The following AIF1L variants were observed in gnomAD, a reference collection of about 807,000 sequenced individuals.
AIF1L encodes the protein allograft inflammatory factor 1 like, also known as allograft inflammatory factor 1-like.
Under a neutral mutation model 20.7 loss-of-function variants are expected in AIF1L, and 12 were observed. The ratio of observed to expected loss-of-function variants is 0.58; its 90% CI spans 0.37 to 0.94. The LOEUF is 0.94. AIF1L is among the 40% of genes least tolerant of loss of function. The pLI, the probability that AIF1L is intolerant of heterozygous loss-of-function variation, is 0.01. For synonymous variants in AIF1L, 76 were observed against 65.1 expected, an observed-to-expected ratio of 1.17 and a Z score of -0.81; for missense variants, 173 against 185.3, an observed-to-expected ratio of 0.93 and a Z score of 0.39.
At chr9:131,119,986 G>A (rs1418415285) in intron 5 of AIF1L, among the ~76,000 whole-genome samples, 1 of 152,156 alleles carries the variant, frequency 6.6e-6, no homozygotes, top group Non-Finnish European at 1.5e-5. Context: ...CTCTGCCCTG[G>A]ACCGCCTGTG....
At chr9:131,106,444 G>T (rs932572095) in intron 2 of AIF1L, among the ~76,000 whole-genome samples, 3 of 152,198 alleles carry the variant, frequency 2.0e-5, no homozygotes, top group Non-Finnish European at 2.9e-5. Flanking sequence ...GGATAAGGGC[G>T]ATTGGAAGTC....
chr9:131,115,579 G>C (rs1011605755), intron 4 of AIF1L, among the ~76,000 whole-genome samples: 3 of 151,418 alleles, frequency 2.0e-5, no homozygotes, highest in Non-Finnish European at 4.4e-5. Flanking sequence ...TTCATCCTGC[G>C]TCTCAGATTG....
At chr9:131,109,416 G>A (rs145612103) in intron 2 of AIF1L, among the ~76,000 whole-genome samples, 140 of 152,142 alleles carry the variant, frequency 9.2e-4, no homozygotes, top group African/African-American at 2.9e-3. Flanking sequence ...AAAATTAGCC[G>A]AGCATGGTGG....
chr9:131,115,477 A>T (rs1830990695), intron 4 of AIF1L, among the ~76,000 whole-genome samples: 1 of 137,772 alleles, frequency 7.3e-6, no homozygotes, highest in African/African-American at 2.6e-5. Context: ...AAAAAAAAGC[A>T]AAAAGAAAGG....
At chr9:131,113,146 T>G (rs1454197928) in intron 3 of AIF1L, among the ~76,000 whole-genome samples, 1 of 150,844 alleles carries the variant, frequency 6.6e-6, no homozygotes, top group African/African-American at 2.4e-5. Context: ...GGTGCTTCAG[T>G]GAGAAATGAG....
chr9:131,117,037 G>A (rs1234298112), intron 4 of AIF1L, among the ~76,000 whole-genome samples: 1 of 152,228 alleles, frequency 6.6e-6, no homozygotes, highest in Non-Finnish European at 1.5e-5. Flanking sequence ...ACAATCCAAA[G>A]GAAATTGCCT....
intron 3 of AIF1L, 129 bp from the exon 4 acceptor site, chr9:131,114,448 C>A: frequency 9.7e-7 from 1 of 1,032,148 alleles, no homozygotes; most frequent in South Asian, 1.3e-5. Context: ...AGGTCAAGAC[C>A]CTTGGTAGGG....
At chr9:131,106,474 G>A (rs1830751641) in intron 2 of AIF1L, among the ~76,000 whole-genome samples, 1 of 152,178 alleles carries the variant, frequency 6.6e-6, no homozygotes, top group African/African-American at 2.4e-5. Flanking sequence ...GAAGTGGGCA[G>A]GCAGCAGTAT....
chr9:131,096,902 C>A, intron 2 of AIF1L, 39 bp downstream of exon 2: 6 of 1,498,104 alleles, frequency 4.0e-6, no homozygotes, highest in Non-Finnish European at 5.3e-6. Flanking sequence ...AGTCCCGAGC[C>A]GCGCGCTGCG....
intron 2 of AIF1L, chr9:131,103,129 G>C: frequency 2.6e-6 from 1 of 383,406 alleles, no homozygotes; most frequent in Non-Finnish European, 5.2e-6. Flanking sequence ...GGCCTCGCTG[G>C]AGGCTGGGAT....
intron 2 of AIF1L, 79 bp from the exon 3 acceptor site, chr9:131,111,518 G>A: frequency 7.5e-7 from 1 of 1,332,390 alleles, no homozygotes; most frequent in Admixed American, 1.8e-5. Context: ...TAGGAGGGAA[G>A]GCCCCCGGAC....
chr9:131,098,474 G>A (rs977759580), intron 2 of AIF1L, among the ~76,000 whole-genome samples: 9 of 152,140 alleles, frequency 5.9e-5, no homozygotes, highest in Admixed American at 1.3e-4. Context: ...AGCCCCCTGG[G>A]TCACTTGGCC....
At chr9:131,111,913 T>A in intron 3 of AIF1L, 1 of 526,806 alleles carries the variant, frequency 1.9e-6, no homozygotes, top group Non-Finnish European at 3.4e-6. Context: ...CCTGCCCCTC[T>A]CTCTCCCCTC....
chr9:131,110,434 A>C (rs895392067), intron 2 of AIF1L, among the ~76,000 whole-genome samples: 10 of 152,084 alleles, frequency 6.6e-5, no homozygotes, highest in African/African-American at 2.4e-4. Context: ...TGAGAGGGTA[A>C]GTGTACAGTC....
chr9:131,096,824 C>G lies in AIF1L; in HGVS notation c.54C>G (p.Leu18=). The change falls in exon 2 of 6, where the codon CTC becomes CTG. Residue 18 remains leucine, a synonymous_variant. Coordinates refer to ENST00000247291, the MANE Select transcript of AIF1L (RefSeq NM_031426.4). ...CAGGAGGGAAGGCGTTCGGCTTGCT[C>G]AAAGCCCGGCAGGAGAGGAGGCTGG... ...RFQGGKAFGL[L]KARQERRLAE... 1 of 1,539,202 alleles carries G rather than the reference C, an allele frequency of 6.5e-7. No individual in the cohort carries two copies. The highest frequency in any genetic ancestry group is 8.7e-7 in the Non-Finnish European group (1 of 1,143,510).
Position 131,117,069 on chromosome 9 carries a change from C to T in AIF1L, c.203-687C>T, listed in dbSNP as rs980718182. On this transcript the variant is annotated intron_variant, in intron 4 of 5. Transcript: ENST00000247291. The stretch of plus-strand genomic sequence containing the variant: ...GCCTCAGATCTTGGTGGGAGCTGGG[C>T]GGTCAGAGACAGCACCGCCTCGGGC... Among the ~76,000 whole-genome samples, 20 of 151,862 alleles carry T rather than the reference C, an allele frequency of 1.3e-4. 1 individual carries two copies. Among genetic ancestry groups the T allele is most frequent in the Admixed American group, 5.9e-4 (9 of 15,264 alleles).
intron 5 of AIF1L, among the ~76,000 whole-genome samples, chr9:131,119,920 G>A (rs1564170494): frequency 6.6e-6 from 1 of 152,214 alleles, no homozygotes; most frequent in Non-Finnish European, 1.5e-5. Flanking sequence ...CCTCCAGGCA[G>A]TGTGGTTAAG....
rs920171952 is a variant in AIF1L, at chr9:131,119,506, G to A, written c.366-729G>A. On this transcript the variant is annotated intron_variant, in intron 5 of 5. Coordinates refer to ENST00000247291, the MANE Select transcript of AIF1L (RefSeq NM_031426.4). ...GCAAGAACAAAACTCTGTCTCAAAA[G>A]AAAAAAAAAAAAAAAAAGAAAACAG... Among the ~76,000 whole-genome samples, 158 of 140,376 alleles carry A rather than the reference G, an allele frequency of 1.1e-3. 1 individual carries two copies. The highest frequency in any genetic ancestry group is 2.7e-3 in the African/African-American group (100 of 36,864). 92.1% of individuals were successfully genotyped at this position (140,376 alleles called of 152,430 possible). A position where few individuals can be genotyped will look rare whatever the true frequency, so the allele number is the denominator to read the frequency against.
In AIF1L at chr9:131,114,585, A is replaced by G. The variant is rs767967867; in HGVS notation, c.169A>G (p.Met57Val). ...EKLTAFKEKY[M>V]EFDLNNEGEI... is the part of the protein sequence containing the mutation. ...TGCTCTGTGATTTCCAGAGAAGTAC[A>G]TGGAGTTTGACCTGAACAATGAAGG... is the stretch of plus-strand genomic sequence containing the variant. The change falls in exon 4 of 6, where the codon ATG becomes GTG. Residue 57 changes from methionine (M) to valine (V), a missense_variant. Met to Val is a conservative substitution (Grantham distance 21). Transcript: ENST00000247291. 30 of 1,614,034 alleles carry G rather than the reference A, an allele frequency of 1.9e-5. No homozygotes were observed. Among genetic ancestry groups the G allele is most frequent in the South Asian group, 3.3e-5 (3 of 91,090 alleles).
Sources: allele counts gnomAD v4.1 joint callset (sites outside exome capture counted in the v4.1 genomes callset), GRCh38; gene constraint gnomAD v4.1.1; transcripts MANE v1.5; gene names NCBI Gene and HGNC (gene_info 2026-07-23, HGNC 2026-07-21).